Variants in PCSK2 observed in about 807,000 individuals in gnomAD.
The protein encoded by PCSK2 is neuroendocrine convertase 2.
A neutral mutation model predicts 69.7 loss-of-function variants in PCSK2; 14 were observed. The observed-to-expected ratio is 0.20, with a 90% CI of 0.13 to 0.31. PCSK2 has a LOEUF of 0.31. Ranked by LOEUF, PCSK2 falls within the 10% of genes least tolerant of loss-of-function variation. The pLI, the probability that PCSK2 is intolerant of heterozygous loss-of-function variation, is 1.00. For missense variants in PCSK2, 544 were observed against 842.5 expected, an observed-to-expected ratio of 0.65 and a Z score of 4.39; for synonymous variants, 307 against 320.7, an observed-to-expected ratio of 0.96 and a Z score of 0.46.
chr20:17,289,788 T>C (rs1988636039), intron 2 of PCSK2, among the ~76,000 whole-genome samples: 1 of 152,200 alleles, frequency 6.6e-6, no homozygotes, highest in Non-Finnish European at 1.5e-5. Flanking sequence ...TTTTGAAAGC[T>C]GCAATGTTTT....
chr20:17,375,439 C>T (rs985593206), intron 5 of PCSK2, among the ~76,000 whole-genome samples: 3 of 152,094 alleles, frequency 2.0e-5, no homozygotes, highest in Non-Finnish European at 4.4e-5. Context: ...TGCTCGTGGC[C>T]AGGGATGTAA....
intron 2 of PCSK2, among the ~76,000 whole-genome samples, chr20:17,312,043 A>G (rs1281275686): frequency 6.6e-6 from 1 of 152,158 alleles, no homozygotes; most frequent in African/African-American, 2.4e-5. Context: ...TTACTCTGCA[A>G]CCTCTATTAT....
chr20:17,401,582 T>C (rs1034123084), intron 5 of PCSK2, among the ~76,000 whole-genome samples: 3 of 152,162 alleles, frequency 2.0e-5, no homozygotes, highest in Non-Finnish European at 4.4e-5. Context: ...AATGCTATTA[T>C]ATGGAAGCAG....
At chr20:17,278,270 C>A (rs1049357458) in intron 2 of PCSK2, among the ~76,000 whole-genome samples, 2 of 152,128 alleles carry the variant, frequency 1.3e-5, no homozygotes, top group African/African-American at 4.8e-5. Context: ...CACATGCACA[C>A]GTATGTTTAT....
intron 8 of PCSK2, among the ~76,000 whole-genome samples, chr20:17,439,352 G>C (rs114385708): frequency 6.6e-6 from 1 of 151,812 alleles, no homozygotes; most frequent in Non-Finnish European, 1.5e-5. Flanking sequence ...TTCAAACTCC[G>C]GGACTCAAGA....
chr20:17,296,533 C>A (rs906920334), intron 2 of PCSK2, among the ~76,000 whole-genome samples: 1 of 152,124 alleles, frequency 6.6e-6, no homozygotes, highest in African/African-American at 2.4e-5. Context: ...TCCAACCTGG[C>A]CTGTCAAACT....
At position 17,360,556 on chromosome 20, in the gene PCSK2, A is replaced by G. The variant is rs887628777; in HGVS notation, c.421A>G (p.Thr141Ala). 6.2e-7 allele frequency: 1 copy of G among 1,611,852 alleles called. No homozygotes were observed. Among genetic ancestry groups the G allele is most frequent in the Non-Finnish European group, 8.5e-7 (1 of 1,178,618 alleles). ...GATCAATACTGGGCAAGCTGATGGC[A>G]CTCCTGGCCTTGATTTGAATGTGGC... ...YLINTGQADG[T>A]PGLDLNVAEA... is the part of the protein sequence containing the mutation. The change falls in exon 4 of 12, where the codon ACT becomes GCT. Residue 141 changes from threonine (T) to alanine (A), a missense_variant. Physicochemically the swap from Thr to Ala is moderately conservative, Grantham distance 58. Coordinates refer to ENST00000262545, the MANE Select transcript of PCSK2 (RefSeq NM_002594.5).
intron 2 of PCSK2, among the ~76,000 whole-genome samples, chr20:17,316,286 G>A (rs1989686672): frequency 6.6e-6 from 1 of 152,204 alleles, no homozygotes; most frequent in African/African-American, 2.4e-5. Flanking sequence ...AGGGTTGGCT[G>A]ATATAAGTGA....
At chr20:17,242,274 C>T (rs1027927990) in intron 1 of PCSK2, among the ~76,000 whole-genome samples, 3 of 152,352 alleles carry the variant, frequency 2.0e-5, no homozygotes, top group African/African-American at 7.2e-5. Flanking sequence ...GTACTGAGTG[C>T]TAAGTCAGTG....
chr20:17,303,257 A>G (rs1989149422), intron 2 of PCSK2, among the ~76,000 whole-genome samples: 1 of 140,756 alleles, frequency 7.1e-6, no homozygotes. Flanking sequence ...TATATATAAT[A>G]TATATTAGTA....
intron 6 of PCSK2, among the ~76,000 whole-genome samples, chr20:17,414,274 T>C (rs2031945480): frequency 6.6e-6 from 1 of 151,678 alleles, no homozygotes; most frequent in African/African-American, 2.4e-5. Context: ...TCAACAAAAG[T>C]GATAGATCAC....
At chr20:17,408,418 G>A (rs1222818555) in intron 5 of PCSK2, among the ~76,000 whole-genome samples, 1 of 152,000 alleles carries the variant, frequency 6.6e-6, no homozygotes, top group Non-Finnish European at 1.5e-5. Flanking sequence ...CCACAAAATT[G>A]CTTAGACAGT....
chr20:17,325,822 G>A (rs945167035), intron 2 of PCSK2, among the ~76,000 whole-genome samples: 38 of 152,214 alleles, frequency 2.5e-4, no homozygotes, highest in African/African-American at 9.2e-4. Context: ...GATGGCCCAG[G>A]CATGTTCTTT....
At chr20:17,264,509 A>G (rs974031779) in intron 2 of PCSK2, among the ~76,000 whole-genome samples, 2 of 152,198 alleles carry the variant, frequency 1.3e-5, no homozygotes, top group African/African-American at 4.8e-5. Context: ...CCACATGTTT[A>G]ATAACCATAA....
intron 5 of PCSK2, among the ~76,000 whole-genome samples, chr20:17,404,940 G>A (rs139487690): frequency 2.6e-5 from 4 of 152,316 alleles, no homozygotes; most frequent in South Asian, 2.1e-4. Context: ...GCTGTGTTCC[G>A]ATACAACTTT....
intron 6 of PCSK2, among the ~76,000 whole-genome samples, chr20:17,428,848 A>G (rs1451580226): frequency 6.6e-6 from 1 of 151,656 alleles, no homozygotes; most frequent in Non-Finnish European, 1.5e-5. Context: ...AAAATACAAA[A>G]AATTAGCCAG....
rs1008873 is a variant in PCSK2, at chr20:17,455,326, C to T, written c.1102-1022C>T. Among the ~76,000 whole-genome samples the T allele has an allele frequency of 2.5e-3, 383 of 152,206 alleles. 2 individuals carry two copies. Among genetic ancestry groups the T allele is most frequent in the African/African-American group, 8.6e-3 (357 of 41,526 alleles). ...ATCCTACAGACAGAGGAAGAATTCC[C>T]GTCGTTTATACATGATTTTAATGAA... On this transcript the variant is annotated intron_variant, in intron 9 of 11. Transcript: ENST00000262545.
intron 1 of PCSK2, 86 bp from the exon 2 acceptor site, chr20:17,260,154 C>A: frequency 1.2e-6 from 1 of 815,384 alleles, no homozygotes; most frequent in Non-Finnish European, 2.2e-6. Context: ...CCATGGAGCC[C>A]CTGCAAGCAG....
intron 1 of PCSK2, among the ~76,000 whole-genome samples, chr20:17,240,689 A>G (rs769280142): frequency 6.6e-6 from 1 of 152,208 alleles, no homozygotes; most frequent in Non-Finnish European, 1.5e-5. Flanking sequence ...GATCCCCTCT[A>G]CGTGTCTCAT....
Sources: allele counts gnomAD v4.1 joint callset (sites outside exome capture counted in the v4.1 genomes callset), GRCh38; gene constraint gnomAD v4.1.1; transcripts MANE v1.5; gene names NCBI Gene and HGNC (gene_info 2026-07-23, HGNC 2026-07-21).